The following MYO3B variants were observed in gnomAD, a reference collection of about 807,000 sequenced individuals.
MYO3B encodes myosin IIIB.
In MYO3B, 156 loss-of-function variants were observed where a neutral mutation model predicts 174.6. The ratio of observed to expected loss-of-function variants is 0.89; its 90% CI spans 0.78 to 1.02. MYO3B has a LOEUF of 1.02. MYO3B is among the 50% of genes least tolerant of loss of function. The pLI is 0.00. For synonymous variants in MYO3B, 563 were observed against 569.1 expected (o/e 0.99, Z 0.15); for missense variants, 1,632 against 1,639.4 (o/e 1.00, Z 0.08).
intron 7 of MYO3B, chr2:170,334,983 G>C (rs2093937382): frequency 6.1e-6 from 1 of 162,872 alleles, no homozygotes; most frequent in Admixed American, 6.3e-5. Flanking sequence ...GTACCATAAT[G>C]ATCTGAAAAT....
At chr2:170,231,302 C>G (rs16858028) in intron 6 of MYO3B, among the ~76,000 whole-genome samples, 9,942 of 152,264 alleles carry the variant, frequency 0.065, 1,087 homozygotes, top group African/African-American at 0.23. Context: ...AATGACTAGC[C>G]TTTGCTCCAA....
At chr2:170,222,709 T>A (rs1469700970) in intron 6 of MYO3B, among the ~76,000 whole-genome samples, 1 of 152,180 alleles carries the variant, frequency 6.6e-6, no homozygotes, top group Non-Finnish European at 1.5e-5. Flanking sequence ...AGTGACCCTA[T>A]TTCCAAATAA....
intron 7 of MYO3B, among the ~76,000 whole-genome samples, chr2:170,249,370 C>T (rs2093226962): frequency 6.6e-6 from 1 of 152,204 alleles, no homozygotes; most frequent in Non-Finnish European, 1.5e-5. Flanking sequence ...GCCCACCTTC[C>T]TCCACATTTC....
rs186619719 is a variant in MYO3B, at chr2:170,188,770, C to T, written c.3-10438C>T. Among the ~76,000 whole-genome samples the T allele has an allele frequency of 3.5e-3, 536 of 152,164 alleles. 3 individuals carry two copies. The highest frequency in any genetic ancestry group is 0.013 in the African/African-American group (523 of 41,548). Reference sequence around the variant, plus strand: ...AGAACTCTACACTTTAACTTCATCTCCCTGCTTTTTTGGCTGTTCATATCT... The same window carrying T: ...AGAACTCTACACTTTAACTTCATCTTCCTGCTTTTTTGGCTGTTCATATCT... On this transcript the variant is annotated intron_variant, in intron 1 of 34. Transcript: ENST00000408978.
At chr2:170,595,209 T>A (rs767478442) in intron 32 of MYO3B, among the ~76,000 whole-genome samples, 9 of 152,118 alleles carry the variant, frequency 5.9e-5, no homozygotes, top group Non-Finnish European at 1.0e-4. Context: ...TACATGCCAA[T>A]CACACCAGGT....
At chr2:170,648,883 A>AT (rs1698619798) in intron 32 of MYO3B, among the ~76,000 whole-genome samples, 5 of 99,228 alleles carry the variant, frequency 5.0e-5, no homozygotes, top group African/African-American at 1.3e-4. Context: ...TATATTCTAT[A>AT]TATTATATAT....
At chr2:170,410,209 A>G (rs1403422003) in intron 22 of MYO3B, among the ~76,000 whole-genome samples, 4 of 152,218 alleles carry the variant, frequency 2.6e-5, no homozygotes, top group Admixed American at 1.3e-4. Flanking sequence ...GTAAGCATAT[A>G]TATTATGGTC....
intron 32 of MYO3B, among the ~76,000 whole-genome samples, chr2:170,549,005 T>A (rs1690712516): frequency 6.6e-6 from 1 of 152,228 alleles, no homozygotes; most frequent in Non-Finnish European, 1.5e-5. Context: ...GCATTTTTTT[T>A]AGGCAGTAAA....
chr2:170,567,890 A>G (rs572754961), intron 32 of MYO3B, among the ~76,000 whole-genome samples: 51 of 152,334 alleles, frequency 3.3e-4, no homozygotes, highest in African/African-American at 1.2e-3. Flanking sequence ...TTTATATTCC[A>G]TCTAACAACT....
chr2:170,238,517 T>C (rs1234860073), intron 7 of MYO3B, among the ~76,000 whole-genome samples: 2 of 152,248 alleles, frequency 1.3e-5, no homozygotes, highest in Non-Finnish European at 2.9e-5. Context: ...AGTGAAACAA[T>C]GAAATCCTTT....
chr2:170,580,099 A>G (rs575157335), intron 32 of MYO3B, among the ~76,000 whole-genome samples: 2 of 152,334 alleles, frequency 1.3e-5, no homozygotes, highest in South Asian at 2.1e-4. Context: ...ATTTATTACC[A>G]TATTAGAGTT....
intron 22 of MYO3B, among the ~76,000 whole-genome samples, chr2:170,416,854 C>T (rs1289459541): frequency 1.5e-5 from 2 of 135,196 alleles, no homozygotes; most frequent in Non-Finnish European, 3.1e-5. Flanking sequence ...GACGGAGTCT[C>T]GCTCTGTTGC....
At chr2:170,329,535 C>A (rs2105519936) in intron 7 of MYO3B, among the ~76,000 whole-genome samples, 1 of 151,556 alleles carries the variant, frequency 6.6e-6, no homozygotes, top group African/African-American at 2.4e-5. Context: ...TGCAGGCCAC[C>A]ACACCTGGCT....
chr2:170,466,466 G>C (rs371361962), intron 24 of MYO3B, 40 bp from the exon 25 acceptor site: 62 of 1,589,116 alleles, frequency 3.9e-5, no homozygotes, highest in Middle Eastern at 1.7e-4. Context: ...CCATTGTGTT[G>C]GTGGTAACCT....
In MYO3B at chr2:170,400,840, T is replaced by C. The variant is rs572581456; in HGVS notation, c.1918+526T>C. Among the ~76,000 whole-genome samples, 530 of 152,178 alleles carry C rather than the reference T, an allele frequency of 3.5e-3. 2 individuals carry two copies. The highest frequency in any genetic ancestry group is 0.014 in the Middle Eastern group (4 of 294). Reference sequence around the variant, plus strand: ...TAATTTTGAGCAGTGTTTTTTTCTTTTTTTTTTCGAGGCGGAGTCTCGCTC... The same window carrying C: ...TAATTTTGAGCAGTGTTTTTTTCTTCTTTTTTTCGAGGCGGAGTCTCGCTC... On this transcript the variant is annotated intron_variant, in intron 17 of 34. Transcript: ENST00000408978.
intron 22 of MYO3B, among the ~76,000 whole-genome samples, chr2:170,430,874 A>G (rs2094703147): frequency 6.6e-6 from 1 of 152,172 alleles, no homozygotes; most frequent in South Asian, 2.1e-4. Context: ...AGTAGGGGGA[A>G]TTAGATATTG....
intron 32 of MYO3B, among the ~76,000 whole-genome samples, chr2:170,598,749 C>G (rs1240564361): frequency 6.6e-6 from 1 of 152,128 alleles, no homozygotes; most frequent in East Asian, 1.9e-4. Flanking sequence ...GTTATGTGAA[C>G]TTGGGTTAAG....
intron 29 of MYO3B, among the ~76,000 whole-genome samples, chr2:170,515,492 T>G (rs1485345600): frequency 3.3e-5 from 5 of 152,142 alleles, no homozygotes; most frequent in African/African-American, 1.2e-4. Context: ...GGACAAGAAG[T>G]GGAAACGTGG....
chr2:170,525,069 C>A (rs1280296405), intron 30 of MYO3B, among the ~76,000 whole-genome samples: 2 of 152,158 alleles, frequency 1.3e-5, no homozygotes, highest in Non-Finnish European at 2.9e-5. Flanking sequence ...TAAATCACCA[C>A]CCACTGAGAA....
Sources: allele counts gnomAD v4.1 joint callset (sites outside exome capture counted in the v4.1 genomes callset), GRCh38; gene constraint gnomAD v4.1.1; transcripts MANE v1.5; gene names NCBI Gene and HGNC (gene_info 2026-07-23, HGNC 2026-07-21).